The following PUS1 variants were observed in gnomAD, a reference collection of about 807,000 sequenced individuals.
PUS1 encodes pseudouridine synthase 1.
In PUS1, 25 loss-of-function variants were observed where a neutral mutation model predicts 38.5. The observed-to-expected ratio is 0.65, with a 90% confidence interval of 0.47 to 0.91. The LOEUF is 0.91. Ranked by LOEUF, PUS1 falls within the 40% of genes least tolerant of loss-of-function variation. PUS1 has a pLI of 0.00. For synonymous variants in PUS1, 282 were observed against 260.4 expected (o/e 1.08, Z -0.80); for missense variants, 597 against 612.3 (o/e 0.97, Z 0.26).
rs1235566459 is a variant in PUS1 at position 131,941,852 on chromosome 12, A to G, written c.1105A>G (p.Lys369Glu). 26 of 1,613,876 alleles carry G rather than the reference A, an allele frequency of 1.6e-5. No homozygotes were observed. Among genetic ancestry groups the G allele is most frequent in the East Asian group, 2.2e-5 (1 of 44,886 alleles). ...AQEEGKVAAF[K>E]EEHIYPTIIG... ...GGAGGAAGGAAAGGTCGCAGCCTTCAAGGAGGAGCACATCTACCCCACCAT... is the reference window on the plus strand; with the variant it reads ...GGAGGAAGGAAAGGTCGCAGCCTTCGAGGAGGAGCACATCTACCCCACCAT... Residue 369 changes from lysine (K) to glutamate (E), a missense_variant, in exon 5 of 6, where the codon AAG (lysine) becomes GAG (glutamate). By Grantham distance (56) the Lys-to-Glu change is moderately conservative. Transcript: ENST00000376649. The surrounding 1 kb of genome is among the most constrained non-coding windows in gnomAD (Gnocchi z 4.4).
intron 3 of PUS1, among the ~76,000 whole-genome samples, chr12:131,936,281 G>T (rs549432881): frequency 6.6e-6 from 1 of 151,940 alleles, no homozygotes; most frequent in South Asian, 2.1e-4. Flanking sequence ...TGTACAGTTC[G>T]GGCTGGGCGC....
At position 131,943,406 on chromosome 12, in the gene PUS1, C is replaced by A. The variant is rs532447533; in HGVS notation, c.1237-133C>A. 7.0e-5 allele frequency: 56 copies of A among 799,976 alleles called. No homozygotes were observed. In the African/African-American group the frequency reaches 8.2e-4, roughly 12 times the overall value. The allele number at this position is 799,976 out of a possible 1,614,324, so 49.6% of individuals were successfully genotyped here. The stretch of plus-strand genomic sequence containing the variant: ...TTAAGAGAATGACCGAGAACAAACA[C>A]CAGACTCTGCTCCTGATGAGGGAGT... On this transcript the variant is annotated intron_variant, in intron 5 of 5. Coordinates refer to ENST00000376649, the MANE Select transcript of PUS1 (RefSeq NM_025215.6).
At position 131,942,492 on chromosome 12, in the gene PUS1, C is replaced by T. The variant is rs375879502; in HGVS notation, c.1236+509C>T. 3.3e-5 allele frequency among the ~76,000 whole-genome samples: 5 copies of T among 152,168 alleles called. No individual in the cohort carries two copies. The East Asian group carries it at 7.8e-4, about 24-fold the overall frequency. On this transcript the variant is annotated intron_variant, in intron 5 of 5. Coordinates refer to ENST00000376649, the MANE Select transcript of PUS1 (RefSeq NM_025215.6). ...CGCGATCTCGGCTCACTGCAAGCTCCGCCTCCCGGGTTCACGCCATTCTCC... is the reference window on the plus strand; with the variant it reads ...CGCGATCTCGGCTCACTGCAAGCTCTGCCTCCCGGGTTCACGCCATTCTCC...
Position 131,941,237 on chromosome 12 carries a change from G to A in PUS1, c.545-55G>A. 2 of 1,495,566 alleles carry A rather than the reference G, an allele frequency of 1.3e-6. No homozygotes were observed. Among genetic ancestry groups the A allele is most frequent in the South Asian group, 1.1e-5 (1 of 87,836 alleles). 92.6% of individuals were successfully genotyped at this position (1,495,566 alleles called of 1,614,324 possible). On this transcript the variant is annotated intron_variant, in intron 4 of 5. Coordinates refer to ENST00000376649, the MANE Select transcript of PUS1 (RefSeq NM_025215.6). This position sits in a 1 kb window ranked among gnomAD's most constrained non-coding sequence, Gnocchi z 4.4. ...TCACGCCGTGCTCAGGCTGCTCCCT[G>A]GTCATCCAGGCACTTCTCACCTGCC...
intron 2 of PUS1, 30 bp downstream of exon 2, chr12:131,930,165 G>A (rs1284650414): frequency 2.9e-6 from 4 of 1,395,524 alleles, no homozygotes; most frequent in South Asian, 1.7e-5. Flanking sequence ...GGCAGGTCCC[G>A]CGGGGTTTAG....
chr12:131,932,371 T>C (rs1259508037), intron 3 of PUS1, 59 bp downstream of exon 3: 16 of 1,587,982 alleles, frequency 1.0e-5, no homozygotes, highest in Non-Finnish European at 1.3e-5. Flanking sequence ...TGGCCCACTT[T>C]CCAGCTCAGT....
At position 131,932,310 on chromosome 12, in the gene PUS1, A is replaced by G; in HGVS notation, c.439A>G (p.Lys147Glu). Residue 147 changes from lysine (K) to glutamate (E), a missense_variant and splice_region_variant, in exon 3 of 6, where the codon AAG becomes GAG. Transcript: ENST00000376649. ...MSFQRCARTD[K>E]GVSAAGQVVS... ...CTTCCAGCGCTGCGCCCGGACAGAC[A>G]AGGTGGGTGGTGGCCTTCTCTGCCC... 1 of 1,613,372 alleles carries G rather than the reference A, an allele frequency of 6.2e-7. No homozygotes were observed. The highest frequency in any genetic ancestry group is 1.3e-5 in the African/African-American group (1 of 75,032).
rs1891049794 is a variant in PUS1 at position 131,941,268 on chromosome 12, C to G, written c.545-24C>G. ...CCAGGCACTTCTCACCTGCCTTTCT[C>G]CTCCCTGACCACCTCCCCCCTAGGA... On this transcript the variant is annotated intron_variant, in intron 4 of 5. Coordinates refer to ENST00000376649, the MANE Select transcript of PUS1 (RefSeq NM_025215.6). This position sits in a 1 kb window ranked among gnomAD's most constrained non-coding sequence, Gnocchi z 4.4. 1 of 1,608,214 alleles carries G rather than the reference C, an allele frequency of 6.2e-7. No individual in the cohort carries two copies. The highest frequency in any genetic ancestry group is 8.5e-7 in the Non-Finnish European group (1 of 1,175,212).
At chr12:131,934,209 C>G (rs1003401649) in intron 3 of PUS1, among the ~76,000 whole-genome samples, 19 of 152,250 alleles carry the variant, frequency 1.2e-4, no homozygotes, top group Admixed American at 4.6e-4. Context: ...TGAAGCACCA[C>G]AGGGAGCTGT....
rs1160980561 is a variant in PUS1 at position 131,941,782 on chromosome 12, G to A, written c.1035G>A (p.Gln345=). ...GGGTGCACTTCGAGAAGTACAACCA[G>A]CGCTTTGGCAACGATGGGCTGCATG... ...LERVHFEKYN[Q]RFGNDGLHEP... is the part of the protein sequence containing the mutation. The change falls in exon 5 of 6, where the codon CAG becomes CAA. Residue 345 remains glutamine, a synonymous_variant. Coordinates refer to ENST00000376649, the MANE Select transcript of PUS1 (RefSeq NM_025215.6). The surrounding 1 kb of genome is among the most constrained non-coding windows in gnomAD (Gnocchi z 4.4). 9 of 1,613,410 alleles carry A rather than the reference G, an allele frequency of 5.6e-6. No homozygotes were observed.
In PUS1 at chr12:131,941,268, C is replaced by T; in HGVS notation, c.545-24C>T. ...CCAGGCACTTCTCACCTGCCTTTCT[C>T]CTCCCTGACCACCTCCCCCCTAGGA... On this transcript the variant is annotated intron_variant, in intron 4 of 5. Transcript: ENST00000376649. The surrounding 1 kb of genome is among the most constrained non-coding windows in gnomAD (Gnocchi z 4.4). The T allele has an allele frequency of 3.1e-6, 5 of 1,608,332 alleles. No individual in the cohort carries two copies. The highest frequency in any genetic ancestry group is 1.1e-5 in the South Asian group (1 of 90,876).
chr12:131,940,081 G>T (rs1047605894), intron 4 of PUS1, among the ~76,000 whole-genome samples: 19 of 152,020 alleles, frequency 1.2e-4, no homozygotes, highest in South Asian at 2.1e-4. Flanking sequence ...TGCCGAGGCT[G>T]GAGTGCAGTG....
Position 131,941,144 on chromosome 12 carries a change from C to T in PUS1, c.545-148C>T, listed in dbSNP as rs900793574. On this transcript the variant is annotated intron_variant, in intron 4 of 5. Coordinates refer to ENST00000376649, the MANE Select transcript of PUS1 (RefSeq NM_025215.6). The surrounding 1 kb of genome is among the most constrained non-coding windows in gnomAD (Gnocchi z 4.4). ...GTGCCTGTTCCCCAGCCTGTGGCTG[C>T]CCCCTCCCCAGAGAAGCCGATGCTT... The T allele has an allele frequency of 2.9e-6, 2 of 688,120 alleles. No homozygotes were observed. Among genetic ancestry groups the T allele is most frequent in the Admixed American group, 2.2e-5 (1 of 46,368 alleles). The allele number at this position is 688,120 out of a possible 1,614,324, so 42.6% of individuals were successfully genotyped here.
intron 4 of PUS1, among the ~76,000 whole-genome samples, chr12:131,940,144 C>T (rs1054896507): frequency 1.3e-5 from 2 of 151,858 alleles, no homozygotes; most frequent in Non-Finnish European, 2.9e-5. Context: ...GGGATCCTCC[C>T]GCCTCAGCCT....
rs759184818 is a variant in PUS1, at chr12:131,930,028, G to T, written c.196G>T (p.Ala66Ser). 1 of 1,472,320 alleles carries T rather than the reference G, an allele frequency of 6.8e-7. No individual in the cohort carries two copies. Among genetic ancestry groups the T allele is most frequent in the East Asian group, 2.7e-5 (1 of 37,504 alleles). The allele number at this position is 1,472,320 out of a possible 1,614,324, so 91.2% of individuals were successfully genotyped here. A position where few individuals can be genotyped will look rare whatever the true frequency, so the allele number is the denominator to read the frequency against. The change falls in exon 2 of 6, where the codon GCG becomes TCG. Residue 66 changes from alanine (A) to serine (S), a missense_variant. By Grantham distance (99) the Ala-to-Ser change is moderately conservative. Coordinates refer to ENST00000376649, the MANE Select transcript of PUS1 (RefSeq NM_025215.6). ...CGTCTGGGAGGACGGAGAACATCCG[G>T]CGAAGAAGCTCAAGAGCGGTGGCGA... ...DRVWEDGEHP[A>S]KKLKSGGDEE...
intron 3 of PUS1, chr12:131,932,911 A>G: frequency 5.0e-6 from 2 of 403,868 alleles, no homozygotes; most frequent in Non-Finnish European, 9.9e-6. Flanking sequence ...AAGAGGTTGA[A>G]TTGACTCAGT....
At chr12:131,942,212 C>A (rs529633123) in intron 5 of PUS1, among the ~76,000 whole-genome samples, 1 of 152,298 alleles carries the variant, frequency 6.6e-6, no homozygotes, top group Non-Finnish European at 1.5e-5. Flanking sequence ...GTCCCAGGGT[C>A]AGGCTTGCTG....
At chr12:131,935,479 G>A (rs1005078506) in intron 3 of PUS1, among the ~76,000 whole-genome samples, 2 of 152,308 alleles carry the variant, frequency 1.3e-5, no homozygotes, top group Non-Finnish European at 1.5e-5. Flanking sequence ...GGTCACACCC[G>A]AGTGCCCTGC....
At chr12:131,938,658 C>G (rs1361808190) in intron 3 of PUS1, among the ~76,000 whole-genome samples, 2 of 151,662 alleles carry the variant, frequency 1.3e-5, no homozygotes, top group African/African-American at 2.4e-5. Context: ...TCACTCTGCT[C>G]TTGGTTCTAA....
Sources: gnomAD v4.1 joint callset for allele counts (sites outside exome capture counted in the v4.1 genomes callset) on GRCh38, gnomAD v4.1.1 for gene constraint, Gnocchi (gnomAD v3.1) non-coding constraint, MANE v1.5 for transcripts, NCBI Gene and HGNC (gene_info 2026-07-23, HGNC 2026-07-21) for gene names.